Variants in IRX2 observed in about 807,000 individuals in gnomAD.
The protein encoded by IRX2 is iroquois-class homeodomain protein IRX-2.
In IRX2, 26 loss-of-function variants were observed where a neutral mutation model predicts 42.9. The observed-to-expected ratio is 0.61, with a 90% CI of 0.44 to 0.84. The LOEUF is 0.84. IRX2 is among the 40% of genes least tolerant of loss of function. The pLI, the probability that IRX2 is intolerant of heterozygous loss-of-function variation, is 0.00. For synonymous variants in IRX2, 424 were observed against 353.9 expected, an observed-to-expected ratio of 1.20 and a Z score of -2.22; for missense variants, 782 against 713.9, an observed-to-expected ratio of 1.10 and a Z score of -1.09.
downstream of IRX2, among the ~76,000 whole-genome samples, chr5:2,743,993 T>C (rs1380959989): frequency 2.0e-5 from 3 of 152,150 alleles, no homozygotes; most frequent in Non-Finnish European, 4.4e-5. Flanking sequence ...TCAAAGAAGC[T>C]TCCTTAGCCT....
At chr5:2,750,404 C>A (rs1327438074) in intron 1 of IRX2, among the ~76,000 whole-genome samples, 1 of 152,228 alleles carries the variant, frequency 6.6e-6, no homozygotes, top group Non-Finnish European at 1.5e-5. Context: ...CGCCGAGGGC[C>A]GGCAGTCGCG....
At chr5:2,744,275 ATGT>A (rs1383655859), downstream of IRX2, among the ~76,000 whole-genome samples, 1 of 152,156 alleles carries the variant, frequency 6.6e-6, no homozygotes, top group Non-Finnish European at 1.5e-5. Context: ...ACTGCCTTAA[ATGT>A]TGTATCTTCA....
rs1411317226 is a variant in IRX2, at chr5:2,749,268, G to A, written c.655+114C>T. The A allele has an allele frequency of 4.1e-6, 6 of 1,467,424 alleles. No individual in the cohort carries two copies. In the African/African-American group the frequency reaches 7.1e-5, roughly 17 times the overall value. The allele number at this position is 1,467,424 out of a possible 1,614,324, so 90.9% of individuals were successfully genotyped here. ...ACCCCAGGGCAATGTGGTGCGGCTG[G>A]GGCTCCGGCCCGGACCTGGGGTGTC... is the stretch of plus-strand genomic sequence containing the variant. On this transcript the variant is annotated intron_variant, in intron 2 of 3. Transcript: ENST00000302057.
At position 2,751,395 on chromosome 5, in the gene IRX2, A is replaced by T; in HGVS notation, c.19T>A (p.Tyr7Asn). 7.1e-7 allele frequency: 1 copy of T among 1,405,854 alleles called. No individual in the cohort carries two copies. The highest frequency in any genetic ancestry group is 9.3e-7 in the Non-Finnish European group (1 of 1,078,052). The allele number at this position is 1,405,854 out of a possible 1,614,324, so 87.1% of individuals were successfully genotyped here. A position where few individuals can be genotyped will look rare whatever the true frequency, so the allele number is the denominator to read the frequency against. MSYPQGYLYQAPGSLAL... is the reference protein window; with the variant it reads MSYPQGNLYQAPGSLAL... Reference sequence around the variant, plus strand: ...AGCGAGCCGGGCGCCTGGTACAGGTAGCCCTGCGGGTAGGACATGGTGGGC... The same window carrying T: ...AGCGAGCCGGGCGCCTGGTACAGGTTGCCCTGCGGGTAGGACATGGTGGGC... The change falls in exon 1 of 4, where the codon TAC becomes AAC. Residue 7 changes from tyrosine to asparagine, a missense_variant. Coordinates refer to ENST00000302057, the MANE Select transcript of IRX2 (RefSeq NM_033267.5). The surrounding 1 kb of genome is among the most constrained non-coding windows in gnomAD (Gnocchi z 4.0).
Position 2,748,714 on chromosome 5 carries a change from G to A in IRX2, c.994C>T (p.Leu332=). The stretch of plus-strand genomic sequence containing the variant: ...AGGTCCGACGTGGCGATCTCGGCCA[G>A]CGACCACAGCTTGGGCTTGCTGGCG... ...PPASKPKLWS[L]AEIATSDLKQ... The change falls in exon 3 of 4, where the codon CTG becomes TTG. Residue 332 remains leucine (L), a synonymous_variant. Coordinates refer to ENST00000302057, the MANE Select transcript of IRX2 (RefSeq NM_033267.5). 1 of 1,399,434 alleles carries A rather than the reference G, an allele frequency of 7.1e-7. No individual in the cohort carries two copies. Among genetic ancestry groups the A allele is most frequent in the South Asian group, 1.6e-5 (1 of 64,146 alleles). The allele number at this position is 1,399,434 out of a possible 1,614,324, so 86.7% of individuals were successfully genotyped here.
rs1686628864 is a variant in IRX2, at chr5:2,746,436, A to C, written c.*1128T>G. ...TTTATTTCTACTGTGTACATCTTTT[A>C]CAAATAAACTTTACAGTAAATCCTA... On this transcript the variant is annotated 3_prime_UTR_variant, in exon 4 of 4. Coordinates refer to ENST00000302057, the MANE Select transcript of IRX2 (RefSeq NM_033267.5). The C allele has an allele frequency of 6.6e-6, 1 of 152,240 alleles. No individual in the cohort carries two copies. Among genetic ancestry groups the C allele is most frequent in the African/African-American group, 2.4e-5 (1 of 41,462 alleles). The allele number at this position is 152,240 out of a possible 1,614,324, so 9.4% of individuals were successfully genotyped here.
downstream of IRX2, among the ~76,000 whole-genome samples, chr5:2,744,629 G>A (rs1242855889): frequency 2.0e-5 from 3 of 152,228 alleles, no homozygotes; most frequent in East Asian, 5.8e-4. Context: ...CAGATACACT[G>A]CCAGAGTGGC....
At chr5:2,748,320 G>A (rs1737757395) in intron 3 of IRX2, 25 bp downstream of exon 3, 3 of 1,380,674 alleles carry the variant, frequency 2.2e-6, no homozygotes, top group South Asian at 1.7e-5. Flanking sequence ...CCCCTCCCGG[G>A]CGCCGCCGGC....
chr5:2,749,065 G>A lies in IRX2; in HGVS notation c.656-13C>T, dbSNP rs889181621. On this transcript the variant is annotated splice_polypyrimidine_tract_variant and intron_variant, in intron 2 of 3. Transcript: ENST00000302057. ...TGCAGGCTGATCCCTGTGGGGGCGC[G>A]GGCACGGTGGGTGGCACGAGGGGAC... The A allele has an allele frequency of 6.3e-7, 1 of 1,593,762 alleles. No individual in the cohort carries two copies. The highest frequency in any genetic ancestry group is 1.3e-5 in the African/African-American group (1 of 74,614).
the IRX2 span, among the ~76,000 whole-genome samples, chr5:2,740,617 C>G: frequency 6.6e-6 from 1 of 152,214 alleles, no homozygotes; most frequent in South Asian, 2.1e-4. Flanking sequence ...AGGCCTGGAA[C>G]CAACCCTGGG....
the IRX2 span, among the ~76,000 whole-genome samples, chr5:2,740,398 C>T: frequency 2.6e-5 from 4 of 152,140 alleles, no homozygotes; most frequent in African/African-American, 9.7e-5. Flanking sequence ...TTCGGTTCTC[C>T]CGACTGGCCT....
At chr5:2,739,555 A>G in the IRX2 span, among the ~76,000 whole-genome samples, 1 of 152,064 alleles carries the variant, frequency 6.6e-6, no homozygotes, top group Non-Finnish European at 1.5e-5. Flanking sequence ...ACCGGGGAGG[A>G]GAGGAAGGCT....
At chr5:2,742,064 C>A (rs151266839), downstream of IRX2, among the ~76,000 whole-genome samples, 87 of 152,310 alleles carry the variant, frequency 5.7e-4, 1 homozygote, top group African/African-American at 1.6e-3. Flanking sequence ...GTAGGAAACA[C>A]AAGACTATTC....
In IRX2 at chr5:2,751,066, C is replaced by T; in HGVS notation, c.249+99G>A. The T allele has an allele frequency of 8.6e-7, 1 of 1,167,112 alleles. No homozygotes were observed. The highest frequency in any genetic ancestry group is 1.1e-6 in the Non-Finnish European group (1 of 942,932). 72.3% of individuals were successfully genotyped at this position (1,167,112 alleles called of 1,614,324 possible). A position where few individuals can be genotyped will look rare whatever the true frequency, so the allele number is the denominator to read the frequency against. On this transcript the variant is annotated intron_variant, in intron 1 of 3. Coordinates refer to ENST00000302057, the MANE Select transcript of IRX2 (RefSeq NM_033267.5). This position sits in a 1 kb window ranked among gnomAD's most constrained non-coding sequence, Gnocchi z 4.0. ...CCTGAGTCGCCAGCCGCGCCACATTCCCGGCGGCCCCCGCCCGCCGAACCC... is the reference window on the plus strand; with the variant it reads ...CCTGAGTCGCCAGCCGCGCCACATTTCCGGCGGCCCCCGCCCGCCGAACCC...
chr5:2,739,857 C>G, the IRX2 span, among the ~76,000 whole-genome samples: 1 of 152,182 alleles, frequency 6.6e-6, no homozygotes, highest in Non-Finnish European at 1.5e-5. Context: ...TCGGGGGAGG[C>G]CGGGGTCAGG....
chr5:2,750,129 T>G (rs1044390022), intron 1 of IRX2, among the ~76,000 whole-genome samples: 2 of 152,042 alleles, frequency 1.3e-5, no homozygotes, highest in Admixed American at 6.5e-5. Flanking sequence ...ATATCTAAAT[T>G]TCTGCAGATG....
the IRX2 span, among the ~76,000 whole-genome samples, chr5:2,740,500 C>T: frequency 6.6e-6 from 1 of 152,184 alleles, no homozygotes; most frequent in Admixed American, 6.5e-5. Context: ...CAGAAATGGG[C>T]CTAGAGGTGA....
rs771154697 is a variant in IRX2 at position 2,749,006 on chromosome 5, G to C, written c.702C>G (p.Ala234=). ...ACGGAAGCTTCTCCCCGTCCGACTC[G>C]GCCGAGCACGAGTGATCCGTGAGCG... ...VDSLTDHSCS[A]ESDGEKLPCR... Residue 234 remains alanine, a synonymous_variant, in exon 3 of 4, where the codon GCC becomes GCG. Transcript: ENST00000302057. 3.8e-6 allele frequency: 6 copies of C among 1,597,150 alleles called. No homozygotes were observed. Among genetic ancestry groups the C allele is most frequent in the Non-Finnish European group, 4.2e-6 (5 of 1,179,368 alleles).
chr5:2,744,849 C>T (rs552605158), downstream of IRX2, among the ~76,000 whole-genome samples: 2 of 152,250 alleles, frequency 1.3e-5, no homozygotes, highest in African/African-American at 2.4e-5. Flanking sequence ...GTTCTGCCCC[C>T]CTTCTCCACA....
Sources: gnomAD v4.1 joint callset for allele counts (sites outside exome capture counted in the v4.1 genomes callset) on GRCh38, gnomAD v4.1.1 for gene constraint, Gnocchi (gnomAD v3.1) non-coding constraint, MANE v1.5 for transcripts, NCBI Gene and HGNC (gene_info 2026-07-23, HGNC 2026-07-21) for gene names.